Variants in SH3GL2 observed in about 807,000 individuals in gnomAD.
SH3GL2 encodes endophilin-A1.
A neutral mutation model predicts 46.0 loss-of-function variants in SH3GL2; 24 were observed. The ratio of observed to expected loss-of-function variants is 0.52; its 90% CI spans 0.38 to 0.73. The LOEUF is 0.73. Among genes scored for constraint, SH3GL2 ranks in the 30% least tolerant of loss-of-function variants. SH3GL2 has a pLI of 0.00. For synonymous variants in SH3GL2, 196 were observed against 147.1 expected, an observed-to-expected ratio of 1.33 and a Z score of -2.40; for missense variants, 413 against 424.2, an observed-to-expected ratio of 0.97 and a Z score of 0.23.
chr9:17,765,658 G>C (rs1315884127), intron 3 of SH3GL2, among the ~76,000 whole-genome samples: 4 of 152,168 alleles, frequency 2.6e-5, no homozygotes, highest in Non-Finnish European at 5.9e-5. Flanking sequence ...TAGGCTAACA[G>C]CTCCCTCGGG....
At chr9:17,656,952 GAAAA>G (rs1030321234) in intron 1 of SH3GL2, among the ~76,000 whole-genome samples, 2 of 150,810 alleles carry the variant, frequency 1.3e-5, no homozygotes, top group African/African-American at 2.4e-5. Context: ...ATGACTTTCA[GAAAA>G]AAAAATCACT....
intron 1 of SH3GL2, among the ~76,000 whole-genome samples, chr9:17,582,933 C>T (rs1457157683): frequency 1.3e-5 from 2 of 152,152 alleles, no homozygotes; most frequent in Non-Finnish European, 2.9e-5. Context: ...TCCAAATTTC[C>T]CCATTTTGTA....
intron 3 of SH3GL2, among the ~76,000 whole-genome samples, chr9:17,768,531 G>A (rs948402776): frequency 6.6e-6 from 1 of 152,032 alleles, no homozygotes; most frequent in African/African-American, 2.4e-5. Flanking sequence ...TCCTCAGCAT[G>A]GCCTTTAAGA....
At chr9:17,680,016 C>G (rs1364220227) in intron 1 of SH3GL2, among the ~76,000 whole-genome samples, 2 of 152,106 alleles carry the variant, frequency 1.3e-5, no homozygotes, top group African/African-American at 2.4e-5. Context: ...TGATGTGCTG[C>G]TGGATTCGGT....
At chr9:17,770,578 A>G (rs1823446830) in intron 3 of SH3GL2, among the ~76,000 whole-genome samples, 1 of 152,048 alleles carries the variant, frequency 6.6e-6, no homozygotes, top group Non-Finnish European at 1.5e-5. Flanking sequence ...TCAACTACTC[A>G]CCACTCCCTT....
At position 17,774,031 on chromosome 9, in the gene SH3GL2, C is replaced by G. The variant is rs551659638; in HGVS notation, c.188-12350C>G. 2.5e-4 allele frequency among the ~76,000 whole-genome samples: 38 copies of G among 152,052 alleles called. 1 individual carries two copies. Among genetic ancestry groups the G allele is most frequent in the African/African-American group, 9.2e-4 (38 of 41,496 alleles). On this transcript the variant is annotated intron_variant, in intron 3 of 8. Transcript: ENST00000380607. ...TTTTACCTCCTTGGTTAAATTAATT[C>G]CTGAGTATTTTATTCTTTTTGATAC...
At chr9:17,608,378 C>A (rs761143229) in intron 1 of SH3GL2, among the ~76,000 whole-genome samples, 24 of 152,098 alleles carry the variant, frequency 1.6e-4, no homozygotes, top group Non-Finnish European at 2.9e-4. Flanking sequence ...GATCTCCTGA[C>A]CTCGTGATCT....
chr9:17,790,231 C>T (rs1262521340), intron 6 of SH3GL2: 1 of 155,918 alleles, frequency 6.4e-6, no homozygotes, highest in Non-Finnish European at 1.4e-5. Context: ...GTCTCCACCC[C>T]CATAGGGAAG....
chr9:17,585,960 T>G (rs1818369529), intron 1 of SH3GL2, among the ~76,000 whole-genome samples: 1 of 152,170 alleles, frequency 6.6e-6, no homozygotes. Flanking sequence ...TTAAGGAGCC[T>G]AAAAGCTTAA....
At chr9:17,726,797 C>A (rs1026493554) in intron 1 of SH3GL2, among the ~76,000 whole-genome samples, 11 of 152,092 alleles carry the variant, frequency 7.2e-5, no homozygotes, top group African/African-American at 2.7e-4. Context: ...ATTAAAAAGT[C>A]TGACAAAGTA....
chr9:17,782,630 G>T (rs1290698175), intron 3 of SH3GL2, among the ~76,000 whole-genome samples: 1 of 152,194 alleles, frequency 6.6e-6, no homozygotes, highest in Non-Finnish European at 1.5e-5. Flanking sequence ...AGACCACAGA[G>T]TGAGTGGTGT....
chr9:17,766,255 G>A (rs532032227), intron 3 of SH3GL2, among the ~76,000 whole-genome samples: 52 of 152,310 alleles, frequency 3.4e-4, no homozygotes, highest in African/African-American at 1.2e-3. Flanking sequence ...CTGTGAGGGT[G>A]GGCTTTCGAG....
At chr9:17,692,684 G>T (rs1307070836) in intron 1 of SH3GL2, among the ~76,000 whole-genome samples, 1 of 151,934 alleles carries the variant, frequency 6.6e-6, no homozygotes, top group African/African-American at 2.4e-5. Flanking sequence ...CAGCTAGGAG[G>T]GGCAGAGGTG....
chr9:17,713,813 G>A (rs1376012204), intron 1 of SH3GL2, among the ~76,000 whole-genome samples: 2 of 151,622 alleles, frequency 1.3e-5, no homozygotes, highest in African/African-American at 2.4e-5. Flanking sequence ...TGCCTGTCTT[G>A]TATACGTTTC....
chr9:17,604,892 T>A (rs1286517203), intron 1 of SH3GL2, among the ~76,000 whole-genome samples: 2 of 151,844 alleles, frequency 1.3e-5, no homozygotes, highest in Non-Finnish European at 2.9e-5. Context: ...AGGTCAGTTG[T>A]CCCTAAAAGT....
At chr9:17,673,780 T>G (rs1267586927) in intron 1 of SH3GL2, among the ~76,000 whole-genome samples, 2 of 152,214 alleles carry the variant, frequency 1.3e-5, no homozygotes, top group African/African-American at 2.4e-5. Flanking sequence ...TTACTCACCC[T>G]TGAGTCTTTA....
chr9:17,615,728 A>G (rs1385164983), intron 1 of SH3GL2, among the ~76,000 whole-genome samples: 1 of 151,238 alleles, frequency 6.6e-6, no homozygotes, highest in Non-Finnish European at 1.5e-5. Context: ...CTTAGGACGA[A>G]AGTTAAAAAA....
intron 2 of SH3GL2, among the ~76,000 whole-genome samples, chr9:17,754,768 C>G (rs1822941916): frequency 6.6e-6 from 1 of 152,054 alleles, no homozygotes; most frequent in African/African-American, 2.4e-5. Context: ...GAGATTGTTC[C>G]TGAGTTGGCT....
At chr9:17,580,033 C>T (rs977027960) in intron 1 of SH3GL2, among the ~76,000 whole-genome samples, 1 of 152,096 alleles carries the variant, frequency 6.6e-6, no homozygotes, top group African/African-American at 2.4e-5. Context: ...GCCCATTTTT[C>T]TTTATGGGGT....
Sources: allele counts gnomAD v4.1 joint callset (sites outside exome capture counted in the v4.1 genomes callset), GRCh38; gene constraint gnomAD v4.1.1; transcripts MANE v1.5; gene names NCBI Gene and HGNC (gene_info 2026-07-23, HGNC 2026-07-21).